The following PHKA1 variants were observed in gnomAD, a reference collection of about 807,000 sequenced individuals.
PHKA1 encodes the protein phosphorylase kinase regulatory subunit alpha 1, also known as phosphorylase b kinase regulatory subunit alpha, skeletal muscle isoform.
Under a neutral mutation model 110.2 loss-of-function variants are expected in PHKA1, and 60 were observed. The ratio of observed to expected loss-of-function variants is 0.54; its 90% CI spans 0.44 to 0.68. PHKA1 has a LOEUF of 0.68. Ranked by LOEUF, PHKA1 falls within the 30% of genes least tolerant of loss-of-function variation. PHKA1 has a pLI of 0.00. For missense variants in PHKA1, 801 were observed against 942.5 expected (o/e 0.85, Z 1.97); for synonymous variants, 316 against 333.6 (o/e 0.95, Z 0.58).
At chrX:72,644,841 C>T (rs1288745690) in intron 13 of PHKA1, among the ~76,000 whole-genome samples, 1 of 110,993 alleles carries the variant, frequency 9.0e-6, no homozygotes, top group Non-Finnish European at 1.9e-5. Flanking sequence ...AACTGATTCC[C>T]CGAGTTCTTT....
At chrX:72,594,565 C>A (rs1478614055) in intron 28 of PHKA1, among the ~76,000 whole-genome samples, 1 of 112,448 alleles carries the variant, frequency 8.9e-6, no homozygotes, top group African/African-American at 3.2e-5. Flanking sequence ...ACTACCCAAA[C>A]CAACTCATAA....
chrX:72,703,086 GC>G (rs1433745503), intron 3 of PHKA1, among the ~76,000 whole-genome samples: 1 of 111,131 alleles, frequency 9.0e-6, no homozygotes, highest in African/African-American at 3.3e-5. Flanking sequence ...ACTAAGTTGT[GC>G]CCCAATCACC....
chrX:72,652,995 C>T, intron 11 of PHKA1, among the ~76,000 whole-genome samples: 1 of 111,735 alleles, frequency 8.9e-6, no homozygotes. Context: ...ATGTCTAATG[C>T]TCTTTTGCAG....
At chrX:72,622,567 G>A (rs1556279178) in intron 18 of PHKA1, 1 of 752,938 alleles carries the variant, frequency 1.3e-6, no homozygotes, top group Non-Finnish European at 1.6e-6. Flanking sequence ...TATCACCTTT[G>A]TATTGCTAGA....
chrX:72,629,620 T>C (rs180701956), intron 16 of PHKA1, among the ~76,000 whole-genome samples: 70 of 112,262 alleles, frequency 6.2e-4, no homozygotes, highest in African/African-American at 2.2e-3. Context: ...ACTGATGTAT[T>C]TAGGCTATTT....
chrX:72,610,336 T>C (rs1219032087), intron 22 of PHKA1, among the ~76,000 whole-genome samples: 11 of 111,621 alleles, frequency 9.9e-5, no homozygotes, highest in Non-Finnish European at 2.1e-4. Context: ...TGAGATCAAC[T>C]TTTTAAGCTC....
At chrX:72,711,261 A>T (rs1024187452) in intron 2 of PHKA1, among the ~76,000 whole-genome samples, 1 of 111,909 alleles carries the variant, frequency 8.9e-6, no homozygotes. Flanking sequence ...GTCAAATTGT[A>T]CCAGATATGA....
intron 3 of PHKA1, among the ~76,000 whole-genome samples, chrX:72,703,597 C>T (rs1384581812): frequency 9.0e-6 from 1 of 111,386 alleles, no homozygotes; most frequent in African/African-American, 3.3e-5. Flanking sequence ...GGGGGGATCA[C>T]TTGAGCCCAG....
intron 28 of PHKA1, among the ~76,000 whole-genome samples, chrX:72,593,822 T>C (rs1556230137): frequency 8.9e-6 from 1 of 112,500 alleles, no homozygotes; most frequent in Non-Finnish European, 1.9e-5. Flanking sequence ...AGAAAAGTCA[T>C]AAAAATACTG....
At chrX:72,680,404 A>G (rs2053833855) in intron 5 of PHKA1, among the ~76,000 whole-genome samples, 1 of 112,923 alleles carries the variant, frequency 8.9e-6, no homozygotes, top group South Asian at 3.6e-4. Context: ...GTCATCAGAA[A>G]CAATACAGGC....
At chrX:72,664,803 A>G (rs1556305714) in intron 8 of PHKA1, among the ~76,000 whole-genome samples, 1 of 111,892 alleles carries the variant, frequency 8.9e-6, no homozygotes, top group African/African-American at 3.2e-5. Context: ...ATTAAACAAC[A>G]TGCTCCTCAA....
chrX:72,655,735 G>C (rs2053486595), intron 10 of PHKA1, among the ~76,000 whole-genome samples: 1 of 110,619 alleles, frequency 9.0e-6, no homozygotes, highest in Admixed American at 9.5e-5. Flanking sequence ...CCATTCTCCT[G>C]CCTCAGCCTC....
intron 16 of PHKA1, among the ~76,000 whole-genome samples, chrX:72,628,528 A>G (rs1291715396): frequency 9.5e-6 from 1 of 105,752 alleles, no homozygotes; most frequent in Non-Finnish European, 1.9e-5. Context: ...GCTCTCTTCA[A>G]CCTAAGATAA....
chrX:72,582,546 C>T lies in PHKA1; in HGVS notation c.3350G>A (p.Arg1117His), dbSNP rs143802511. Residue 1117 changes from arginine (R) to histidine (H), a missense_variant, in exon 31 of 32, where the codon CGT (arginine) becomes CAT (histidine). Arg to His is a conservative substitution (Grantham distance 29). This residue lies in a region of PHKA1 where 502 missense variants were observed against 519.2 expected (regional missense o/e 0.97). Transcript: ENST00000373542. The stretch of plus-strand genomic sequence containing the variant: ...CTGACGGTACTCTGGCTGAGGTACA[C>T]GATTCAGGACAGACTCCACATGAAC... ...FSVHVESVLN[R>H]VPQPEYRQLL... is the part of the protein sequence containing the mutation. 179 of 1,202,479 alleles carry T rather than the reference C, an allele frequency of 1.5e-4. No individual in the cohort carries two copies. The highest frequency in any genetic ancestry group is 4.6e-4 in the Middle Eastern group (2 of 4,363).
chrX:72,581,540 G>T (rs1345807252), intron 31 of PHKA1, among the ~76,000 whole-genome samples: 1 of 111,524 alleles, frequency 9.0e-6, no homozygotes, highest in Admixed American at 9.5e-5. Flanking sequence ...ACTCCTTCTA[G>T]TACTACTAAT....
In PHKA1 at chrX:72,620,950, T is replaced by C. The variant is rs1193816052; in HGVS notation, c.1961-49A>G. On this transcript the variant is annotated intron_variant, in intron 18 of 31. Transcript: ENST00000373542. ...GGAAGAGAAAAGAATGAAAATATTT[T>C]AGTTACTTTACAATCTACCCCAGCA... The C allele has an allele frequency of 5.2e-6, 6 of 1,145,875 alleles. No homozygotes were observed. In the African/African-American group the frequency reaches 5.4e-5, roughly 10 times the overall value. 94.4% of individuals were successfully genotyped at this position (1,145,875 alleles called of 1,213,427 possible). A position where few individuals can be genotyped will look rare whatever the true frequency, so the allele number is the denominator to read the frequency against.
chrX:72,671,757 G>C (rs1214373708), intron 6 of PHKA1, among the ~76,000 whole-genome samples: 1 of 111,136 alleles, frequency 9.0e-6, no homozygotes, highest in Non-Finnish European at 1.9e-5. Flanking sequence ...CGATGGAACA[G>C]AACAGAGCCC....
At chrX:72,657,874 C>A (rs2053515217) in intron 8 of PHKA1, among the ~76,000 whole-genome samples, 1 of 111,832 alleles carries the variant, frequency 8.9e-6, no homozygotes, top group Non-Finnish European at 1.9e-5. Context: ...AAGTGACAGG[C>A]TCTTCACTAA....
chrX:72,669,275 G>T (rs1569445869), intron 6 of PHKA1, among the ~76,000 whole-genome samples: 1 of 112,023 alleles, frequency 8.9e-6, no homozygotes, highest in Non-Finnish European at 1.9e-5. Context: ...CTTCAGTGTT[G>T]CTCTAGCGGG....
Sources: gnomAD v4.1 joint callset for allele counts (sites outside exome capture counted in the v4.1 genomes callset) on GRCh38, gnomAD v4.1.1 for gene constraint, gnomAD v4.1.1 regional missense constraint, MANE v1.5 for transcripts, NCBI Gene and HGNC (gene_info 2026-07-23, HGNC 2026-07-21) for gene names.